Variants in INTS6L observed in about 807,000 individuals in gnomAD.
INTS6L encodes integrator complex subunit 6-like.
In INTS6L, 18 loss-of-function variants were observed where a neutral mutation model predicts 64.7. That is an observed-to-expected ratio of 0.28 (90% confidence interval 0.19 to 0.41). The LOEUF is 0.41. Ranked by LOEUF, INTS6L falls within the 10% of genes least tolerant of loss-of-function variation. INTS6L has a pLI of 1.00. For missense variants in INTS6L, 533 were observed against 661.0 expected (o/e 0.81, Z 2.12); for synonymous variants, 227 against 235.9 (o/e 0.96, Z 0.34).
chrX:135,523,994 CAT>C (rs2085663050), intron 2 of INTS6L, among the ~76,000 whole-genome samples: 1 of 111,951 alleles, frequency 8.9e-6, no homozygotes, highest in Non-Finnish European at 1.9e-5. Flanking sequence ...GTGATAACTA[CAT>C]GTTCTAGAAA....
At position 135,533,647 on chromosome X, in the gene INTS6L, G is replaced by A. The variant is rs143866095; in HGVS notation, c.190-11776G>A. On this transcript the variant is annotated intron_variant, in intron 2 of 17. Coordinates refer to ENST00000639893, the MANE Select transcript of INTS6L (RefSeq NM_001351601.3). ...TTTTTCCTAAAAGAATTAGTCCTGG[G>A]GAAAGAGGTGCTGTGTAATCTTCAG... Among the ~76,000 whole-genome samples the A allele has an allele frequency of 4.2e-3, 468 of 110,778 alleles. 3 individuals carry two copies. The highest frequency in any genetic ancestry group is 0.013 in the African/African-American group (404 of 30,396).
At chrX:135,567,109 G>C (rs1556525114) in intron 9 of INTS6L, among the ~76,000 whole-genome samples, 1 of 111,745 alleles carries the variant, frequency 8.9e-6, no homozygotes. Flanking sequence ...CCATTTTATA[G>C]ATGAAATGGA....
chrX:135,553,458 A>G (rs1237525637), intron 8 of INTS6L, among the ~76,000 whole-genome samples: 1 of 103,824 alleles, frequency 9.6e-6, no homozygotes, highest in Non-Finnish European at 2.0e-5. Context: ...GGCACACACC[A>G]CAATTCCTGG....
rs781812012 is a variant in INTS6L, at chrX:135,521,294, C to T, written c.165C>T (p.Tyr55=). The T allele has an allele frequency of 1.7e-6, 2 of 1,206,345 alleles. No homozygotes were observed. The highest frequency in any genetic ancestry group is 1.7e-5 in the African/African-American group (1 of 57,682). The part of the protein sequence containing the change: ...SRGDRYMLVT[Y]DEPPYCIKAG... The stretch of plus-strand genomic sequence containing the variant: ...GAGACAGGTACATGCTGGTCACCTA[C>T]GACGAACCCCCGTACTGCATCAAGG... Residue 55 remains tyrosine, a synonymous_variant, in exon 2 of 18, where the codon TAC becomes TAT. Coordinates refer to ENST00000639893, the MANE Select transcript of INTS6L (RefSeq NM_001351601.3).
Position 135,576,052 on chromosome X carries a change from C to T in INTS6L, c.1884+826C>T, listed in dbSNP as rs1431670801. Among the ~76,000 whole-genome samples the T allele has an allele frequency of 7.2e-5, 8 of 111,835 alleles. No individual in the cohort carries two copies. The East Asian group carries it at 2.0e-3, about 27-fold the overall frequency. On this transcript the variant is annotated intron_variant, in intron 14 of 17. Transcript: ENST00000639893. ...AATAATTACACCTAACTATGCTGGA[C>T]GAGGTGGCTCACGCCTGTAATCCCA...
rs782690787 is a variant in INTS6L, at chrX:135,581,051, A to G, written c.2496A>G (p.Lys832=). Reference sequence around the variant, plus strand: ...TGAAGTTTTTTTAAATATCTTCAGAATATGAAAGAATTTTCATTTTGCTTG... The same window carrying G: ...TGAAGTTTTTTTAAATATCTTCAGAGTATGAAAGAATTTTCATTTTGCTTG... ...LMKEVRKFGR[K]YERIFILLEE... Residue 832 remains lysine (K), a splice_region_variant and synonymous_variant, in exon 17 of 18, where the codon AAA becomes AAG. Coordinates refer to ENST00000639893, the MANE Select transcript of INTS6L (RefSeq NM_001351601.3). The G allele has an allele frequency of 2.6e-6, 3 of 1,153,560 alleles. No homozygotes were observed. The East Asian group carries it at 9.3e-5, about 36-fold the overall frequency.
intron 14 of INTS6L, among the ~76,000 whole-genome samples, chrX:135,575,804 G>A (rs1023847260): frequency 1.5e-4 from 16 of 109,516 alleles, no homozygotes; most frequent in Non-Finnish European, 2.5e-4. Context: ...GTGTGTGTGT[G>A]TGTGTATGTG....
intron 8 of INTS6L, among the ~76,000 whole-genome samples, chrX:135,553,949 C>T (rs1441666198): frequency 2.7e-5 from 3 of 111,708 alleles, no homozygotes; most frequent in Non-Finnish European, 5.6e-5. Flanking sequence ...TGTCATATGC[C>T]TCTTTCCTGT....
chrX:135,532,118 G>C (rs1269971820), intron 2 of INTS6L, among the ~76,000 whole-genome samples: 2 of 112,236 alleles, frequency 1.8e-5, no homozygotes, highest in Non-Finnish European at 3.8e-5. Flanking sequence ...AAGTTGCCTG[G>C]AGGCACTGCT....
intron 9 of INTS6L, among the ~76,000 whole-genome samples, chrX:135,559,202 G>T (rs1556520877): frequency 1.8e-5 from 2 of 111,846 alleles, no homozygotes; most frequent in Non-Finnish European, 3.8e-5. Flanking sequence ...TCACAATTGT[G>T]ATATTAACAT....
intron 12 of INTS6L, among the ~76,000 whole-genome samples, chrX:135,573,588 T>C (rs1556529010): frequency 8.9e-6 from 1 of 112,754 alleles, no homozygotes; most frequent in African/African-American, 3.2e-5. Flanking sequence ...GGATCAGCCA[T>C]TGCTTTCCTG....
intron 7 of INTS6L, among the ~76,000 whole-genome samples, chrX:135,551,380 G>A (rs1481530473): frequency 2.7e-5 from 3 of 112,110 alleles, no homozygotes; most frequent in East Asian, 2.8e-4. Context: ...GAAGCCCAGC[G>A]CAAAGCATCC....
intron 8 of INTS6L, among the ~76,000 whole-genome samples, chrX:135,555,034 C>T (rs1190607276): frequency 6.4e-5 from 7 of 108,541 alleles, no homozygotes; most frequent in Non-Finnish European, 1.1e-4. Context: ...GGATTACAGG[C>T]GCACCACTAT....
At position 135,552,084 on chromosome X, in the gene INTS6L, C is replaced by G. The variant is rs1480548009; in HGVS notation, c.997C>G (p.Leu333Val). 10 of 1,207,642 alleles carry G rather than the reference C, an allele frequency of 8.3e-6. No homozygotes were observed. Among genetic ancestry groups the G allele is most frequent in the Non-Finnish European group, 1.0e-5 (9 of 894,508 alleles). ...CAAACTTCCTTTTGACAAATATGAACTTGAACCTTCGCCCTTAACTCAGTA... is the reference window on the plus strand; with the variant it reads ...CAAACTTCCTTTTGACAAATATGAAGTTGAACCTTCGCCCTTAACTCAGTA... ...IDKLPFDKYE[L>V]EPSPLTQYIL... The change falls in exon 8 of 18, where the codon CTT becomes GTT. Residue 333 changes from leucine (L) to valine (V), a missense_variant. Transcript: ENST00000639893.
intron 13 of INTS6L, 72 bp from the exon 14 acceptor site, chrX:135,575,012 A>G (rs2087185123): frequency 8.9e-7 from 1 of 1,120,309 alleles, no homozygotes. Flanking sequence ...AAACCAAACT[A>G]TGATCATGTC....
Position 135,580,108 on chromosome X carries a change from A to G in INTS6L, c.2440A>G (p.Ile814Val), listed in dbSNP as rs1556533652. 8.4e-7 allele frequency: 1 copy of G among 1,196,070 alleles called. No individual in the cohort carries two copies. The highest frequency in any genetic ancestry group is 1.1e-6 in the Non-Finnish European group (1 of 887,425). ...AATCACTCCTGCTATGGCACAAGGA[A>G]TCAATGCTGATATAAAACATCAATT... ...LQITPAMAQGINADIKHQLMK... is the reference protein window; with the variant it reads ...LQITPAMAQGVNADIKHQLMK... Residue 814 changes from isoleucine (I) to valine (V), a missense_variant, in exon 16 of 18, where the codon ATC (isoleucine) becomes GTC (valine). Physicochemically the swap from Ile to Val is conservative, Grantham distance 29. Transcript: ENST00000639893.
Position 135,521,046 on chromosome X carries a change from T to C in INTS6L, c.54T>C (p.Thr18=), listed in dbSNP as rs2085524539. The C allele has an allele frequency of 1.7e-6, 2 of 1,209,558 alleles. No homozygotes were observed. The highest frequency in any genetic ancestry group is 2.2e-5 in the Admixed American group (1 of 45,819). ...CGTCCGCCTCTATGAACCAGCGCACTGACCTGGGCACCTCTTATTTGGACA... is the reference window on the plus strand; with the variant it reads ...CGTCCGCCTCTATGAACCAGCGCACCGACCTGGGCACCTCTTATTTGGACA... The part of the protein sequence containing the change: ...IDTSASMNQR[T]DLGTSYLDIA... Residue 18 remains threonine, a synonymous_variant, in exon 1 of 18, where the codon ACT becomes ACC. Transcript: ENST00000639893.
At position 135,541,149 on chromosome X, in the gene INTS6L, G is replaced by C. The variant is rs17283983; in HGVS notation, c.190-4274G>C. On this transcript the variant is annotated intron_variant, in intron 2 of 17. Transcript: ENST00000639893. ...CAGGCTGTCCTGTATGTCACTATCA[G>C]ACTGATTTTCCTGTTTACCCCTGCC... Among the ~76,000 whole-genome samples the C allele has an allele frequency of 8.4e-3, 929 of 111,119 alleles. 3 individuals are homozygous for C. Among genetic ancestry groups the C allele is most frequent in the Non-Finnish European group, 0.015 (776 of 52,984 alleles).
intron 2 of INTS6L, among the ~76,000 whole-genome samples, chrX:135,541,584 T>C (rs1340490382): frequency 8.9e-6 from 1 of 112,171 alleles, no homozygotes; most frequent in Non-Finnish European, 1.9e-5. Flanking sequence ...TGCCACCACA[T>C]AAACAAGACA....
Sources: gnomAD v4.1 joint callset for allele counts (sites outside exome capture counted in the v4.1 genomes callset) on GRCh38, gnomAD v4.1.1 for gene constraint, MANE v1.5 for transcripts, NCBI Gene and HGNC (gene_info 2026-07-23, HGNC 2026-07-21) for gene names.